RYR2: variants seen among roughly 807,000 people sequenced by gnomAD.
The protein encoded by RYR2 is cardiac muscle ryanodine receptor-calcium release channel.
In RYR2, 227 loss-of-function variants were observed where a neutral mutation model predicts 601.1. The ratio of observed to expected loss-of-function variants is 0.38; its 90% CI spans 0.34 to 0.42. The LOEUF is 0.42. Ranked by LOEUF, RYR2 falls within the 10% of genes least tolerant of loss-of-function variation. The pLI, the probability that RYR2 is intolerant of heterozygous loss-of-function variation, is 1.00. For missense variants in RYR2, 4,646 were observed against 6,156.5 expected (o/e 0.75, Z 8.21); for synonymous variants, 2,223 against 2,175.1 (o/e 1.02, Z -0.61).
intron 1 of RYR2, among the ~76,000 whole-genome samples, chr1:237,193,404 G>C (rs1313314984): frequency 6.6e-6 from 1 of 152,144 alleles, no homozygotes; most frequent in Non-Finnish European, 1.5e-5. Flanking sequence ...AGCTTGCAGT[G>C]AGCAGAGATC....
intron 24 of RYR2, among the ~76,000 whole-genome samples, chr1:237,525,912 G>A (rs1382002640): frequency 1.3e-5 from 2 of 151,794 alleles, no homozygotes; most frequent in South Asian, 2.1e-4. Flanking sequence ...CCCGGGAGGC[G>A]GAGGTTGCAG....
At chr1:237,516,022 T>C (rs10925437) in intron 24 of RYR2, among the ~76,000 whole-genome samples, 37,672 of 150,324 alleles carry the variant, frequency 0.25, 5,165 homozygotes, top group South Asian at 0.39. Flanking sequence ...CTCTTTATCT[T>C]TCTCCTCCTT....
Position 237,042,398 on chromosome 1 carries a change from G to A in RYR2, c.-124G>A. The stretch of plus-strand genomic sequence containing the variant: ...GGGGACCGCCCGGCGCTCGGCACCC[G>A]GCAGCGCGGCCCCCTCCAGCCCCCG... On this transcript the variant is annotated 5_prime_UTR_variant, in exon 1 of 105. Coordinates refer to ENST00000366574, the MANE Select transcript of RYR2 (RefSeq NM_001035.3). 1.0e-6 allele frequency: 1 copy of A among 970,754 alleles called. No individual in the cohort carries two copies. Among genetic ancestry groups the A allele is most frequent in the Non-Finnish European group, 1.3e-6 (1 of 762,726 alleles). The allele number at this position is 970,754 out of a possible 1,614,324, so 60.1% of individuals were successfully genotyped here.
At chr1:237,240,828 G>T (rs1472551276) in intron 1 of RYR2, among the ~76,000 whole-genome samples, 2 of 151,996 alleles carry the variant, frequency 1.3e-5, no homozygotes, top group African/African-American at 4.8e-5. Context: ...ATTGTTTTCA[G>T]TTGGTTGGTT....
chr1:237,295,506 C>T (rs1424779930), intron 2 of RYR2, among the ~76,000 whole-genome samples: 2 of 152,060 alleles, frequency 1.3e-5, no homozygotes, highest in Admixed American at 1.3e-4. Flanking sequence ...CTCAAGACAA[C>T]TTAAAAAGAC....
chr1:237,436,262 C>G (rs1359147767), intron 12 of RYR2, among the ~76,000 whole-genome samples: 2 of 114,076 alleles, frequency 1.8e-5, no homozygotes, highest in Non-Finnish European at 4.0e-5. Flanking sequence ...CACGCACACT[C>G]TAGGGGAGGG....
At chr1:237,151,922 T>C (rs1674745133) in intron 1 of RYR2, among the ~76,000 whole-genome samples, 1 of 152,150 alleles carries the variant, frequency 6.6e-6, no homozygotes, top group South Asian at 2.1e-4. Flanking sequence ...ACATGTGCCA[T>C]GGGTGGTTTG....
intron 29 of RYR2, among the ~76,000 whole-genome samples, chr1:237,588,218 A>C (rs1364279521): frequency 6.6e-6 from 1 of 152,136 alleles, no homozygotes; most frequent in African/African-American, 2.4e-5. Context: ...GGTTGGTGGC[A>C]CTGTTATACA....
At chr1:237,271,424 T>C (rs561128983) in intron 2 of RYR2, among the ~76,000 whole-genome samples, 114 of 152,334 alleles carry the variant, frequency 7.5e-4, no homozygotes, top group Admixed American at 7.8e-4. Context: ...TTTTGATTAA[T>C]TATTCCTGAT....
intron 1 of RYR2, among the ~76,000 whole-genome samples, chr1:237,092,899 T>C (rs1405174850): frequency 6.6e-6 from 1 of 152,158 alleles, no homozygotes; most frequent in Non-Finnish European, 1.5e-5. Context: ...CTTGGATAAA[T>C]CCCACATAGC....
intron 10 of RYR2, among the ~76,000 whole-genome samples, chr1:237,402,706 G>A (rs990428976): frequency 1.3e-5 from 2 of 151,480 alleles, no homozygotes; most frequent in African/African-American, 4.8e-5. Context: ...CTTGAACTCA[G>A]GAGTTTGATA....
At chr1:237,734,778 T>C (rs1056461417) in intron 79 of RYR2, among the ~76,000 whole-genome samples, 1 of 152,212 alleles carries the variant, frequency 6.6e-6, no homozygotes, top group African/African-American at 2.4e-5. Context: ...AAGTAAATTG[T>C]GGATGCGTTA....
intron 24 of RYR2, among the ~76,000 whole-genome samples, chr1:237,518,873 C>T (rs879859326): frequency 2.0e-5 from 3 of 152,144 alleles, no homozygotes; most frequent in Non-Finnish European, 1.5e-5. Context: ...TTTACATTCC[C>T]ACCAACAGTG....
rs770232323 is a variant in RYR2, at chr1:237,784,804, C to G, written c.13092C>G (p.Thr4364=). 3 of 1,611,792 alleles carry G rather than the reference C, an allele frequency of 1.9e-6. No individual in the cohort carries two copies. The South Asian group carries it at 3.3e-5, about 18-fold the overall frequency. Residue 4364 remains threonine, a synonymous_variant, in exon 90 of 105, where the codon ACC becomes ACG. Transcript: ENST00000366574. This position sits in a 1 kb window ranked among gnomAD's most constrained non-coding sequence, Gnocchi z 7.1. Reference sequence around the variant, plus strand: ...CCGCCCTGCCCTCCGAGGATCTGACCGACTTAAAGGAGCTGACAGAGGAAA... The same window carrying G: ...CCGCCCTGCCCTCCGAGGATCTGACGGACTTAAAGGAGCTGACAGAGGAAA... ...LEAALPSEDL[T]DLKELTEESD...
intron 87 of RYR2, among the ~76,000 whole-genome samples, chr1:237,777,018 C>T (rs1694719148): frequency 6.6e-6 from 1 of 152,138 alleles, no homozygotes; most frequent in Non-Finnish European, 1.5e-5. Context: ...TCTTTCTTGT[C>T]ATATGCTGTC....
chr1:237,556,695 T>G lies in RYR2; in HGVS notation c.3214+6004T>G, dbSNP rs543520490. Among the ~76,000 whole-genome samples, 5 of 151,994 alleles carry G rather than the reference T, an allele frequency of 3.3e-5. No individual in the cohort carries two copies. The South Asian group carries it at 8.3e-4, about 25-fold the overall frequency. ...AAGATGAATAAGAGTTTTTGTCTTA[T>G]GTAGCTCTCAGTGTAGACAGGGAAA... On this transcript the variant is annotated intron_variant, in intron 27 of 104. Coordinates refer to ENST00000366574, the MANE Select transcript of RYR2 (RefSeq NM_001035.3).
At chr1:237,756,516 G>A (rs929502653) in intron 81 of RYR2, 129 bp downstream of exon 81, 2 of 560,118 alleles carry the variant, frequency 3.6e-6, no homozygotes, top group Non-Finnish European at 3.2e-6. Flanking sequence ...ACTATATCAG[G>A]TGCCTATTCA....
chr1:237,578,913 T>G (rs752969812), intron 29 of RYR2, among the ~76,000 whole-genome samples: 5 of 152,174 alleles, frequency 3.3e-5, no homozygotes, highest in Non-Finnish European at 7.3e-5. Flanking sequence ...CATGGAGAAA[T>G]GGTCTCTTCC....
At chr1:237,382,164 A>G (rs1029421934) in intron 8 of RYR2, among the ~76,000 whole-genome samples, 1 of 152,212 alleles carries the variant, frequency 6.6e-6, no homozygotes, top group African/African-American at 2.4e-5. Context: ...TAGATTTCCA[A>G]CTGATTTTCT....
Sources: allele counts gnomAD v4.1 joint callset (sites outside exome capture counted in the v4.1 genomes callset), GRCh38; gene constraint gnomAD v4.1.1; non-coding constraint Gnocchi (gnomAD v3.1); transcripts MANE v1.5; gene names NCBI Gene and HGNC (gene_info 2026-07-23, HGNC 2026-07-21).